SRBD1: variants seen among roughly 807,000 people sequenced by gnomAD.
The protein encoded by SRBD1 is S1 RNA binding domain 1.
In SRBD1, 88 loss-of-function variants were observed where a neutral mutation model predicts 115.3. The observed-to-expected ratio is 0.76, with a 90% confidence interval of 0.64 to 0.91. The LOEUF is 0.91. Among genes scored for constraint, SRBD1 ranks in the 40% least tolerant of loss-of-function variants. The pLI is 0.00. For synonymous variants in SRBD1, 509 were observed against 407.7 expected, an observed-to-expected ratio of 1.25 and a Z score of -2.99; for missense variants, 1,385 against 1,177.4, an observed-to-expected ratio of 1.18 and a Z score of -2.58.
intron 9 of SRBD1, 114 bp from the exon 10 acceptor site, chr2:45,562,870 C>A: frequency 2.4e-5 from 14 of 591,982 alleles, no homozygotes; most frequent in Admixed American, 3.6e-5. Context: ...AACAAGAATA[C>A]ATTTTAAAAT....
chr2:45,414,781 C>CACACATAGTGTGTATATAGTATGT (rs1667743719), intron 18 of SRBD1, among the ~76,000 whole-genome samples: 1 of 132,650 alleles, frequency 7.5e-6, no homozygotes, highest in Non-Finnish European at 1.6e-5. Context: ...TATGTACACA[C>CACACATAGTGTGTATATAGTATGT]ACACATAGTG....
intron 1 of SRBD1, among the ~76,000 whole-genome samples, chr2:45,607,858 G>C (rs997114479): frequency 1.3e-5 from 2 of 152,224 alleles, no homozygotes; most frequent in Non-Finnish European, 2.9e-5. Context: ...GCTAAAGGCA[G>C]AGAACCCTAG....
intron 9 of SRBD1, 121 bp from the exon 10 acceptor site, chr2:45,562,877 AAAT>A: frequency 1.7e-6 from 1 of 583,504 alleles, no homozygotes; most frequent in Non-Finnish European, 2.9e-6. Flanking sequence ...ATACATTTTA[AAAT>A]AATCATTTAC....
intron 16 of SRBD1, among the ~76,000 whole-genome samples, chr2:45,461,664 C>A (rs958740535): frequency 5.3e-5 from 8 of 152,124 alleles, no homozygotes; most frequent in Non-Finnish European, 1.0e-4. Flanking sequence ...AACTGCCCCC[C>A]CCAACTTTTA....
intron 19 of SRBD1, among the ~76,000 whole-genome samples, chr2:45,396,202 C>T (rs555640097): frequency 1.3e-5 from 2 of 151,854 alleles, no homozygotes; most frequent in Non-Finnish European, 2.9e-5. Flanking sequence ...GAGTTTTATG[C>T]CACACACAAT....
At chr2:45,435,778 A>AT (rs1668479015) in intron 16 of SRBD1, among the ~76,000 whole-genome samples, 1 of 152,164 alleles carries the variant, frequency 6.6e-6, no homozygotes, top group African/African-American at 2.4e-5. Flanking sequence ...CCCTAACAAA[A>AT]TTTTAAAAAA....
chr2:45,389,247 A>T lies in SRBD1; in HGVS notation c.*63T>A. ...GCTACCTAGAGTTTACAAACAACTG[A>T]CTTATCCTTGTCAATCTGTGGAAAT... On this transcript the variant is annotated 3_prime_UTR_variant, in exon 21 of 21. Coordinates refer to ENST00000263736, the MANE Select transcript of SRBD1 (RefSeq NM_018079.5). The T allele has an allele frequency of 6.4e-7, 1 of 1,560,862 alleles. No individual in the cohort carries two copies. The highest frequency in any genetic ancestry group is 1.8e-5 in the Admixed American group (1 of 54,406).
chr2:45,462,936 A>T (rs1015350877), intron 16 of SRBD1, among the ~76,000 whole-genome samples: 2 of 151,490 alleles, frequency 1.3e-5, no homozygotes, highest in Admixed American at 1.3e-4. Flanking sequence ...CTGTGGACTG[A>T]AAAACAATTT....
At chr2:45,581,042 C>A (rs1673345979) in intron 6 of SRBD1, among the ~76,000 whole-genome samples, 1 of 152,094 alleles carries the variant, frequency 6.6e-6, no homozygotes, top group Admixed American at 6.6e-5. Context: ...CTTCTCTTCT[C>A]ACATACCTTG....
intron 12 of SRBD1, among the ~76,000 whole-genome samples, chr2:45,548,041 T>C (rs907787302): frequency 3.3e-5 from 5 of 151,798 alleles, no homozygotes; most frequent in African/African-American, 9.7e-5. Flanking sequence ...TATTGCATTA[T>C]AAAGAAAAAT....
intron 15 of SRBD1, among the ~76,000 whole-genome samples, chr2:45,487,974 T>C (rs1670170692): frequency 6.6e-6 from 1 of 152,142 alleles, no homozygotes; most frequent in Admixed American, 6.5e-5. Flanking sequence ...TACTGAACTC[T>C]CTAGCATTTA....
Position 45,452,509 on chromosome 2 carries a change from TTTAG to T in SRBD1, c.2049+24480_2049+24483del, listed in dbSNP as rs568617207. 1.4e-3 allele frequency among the ~76,000 whole-genome samples: 206 copies of T among 152,132 alleles called. 1 individual carries two copies. The highest frequency in any genetic ancestry group is 1.6e-3 in the Non-Finnish European group (112 of 67,906). ...CTTTCCCAAAGAGCTATAACTCATG[TTTAG>T]TTAAATACCAATCACATTCTCCATT... On this transcript the variant is annotated intron_variant, in intron 16 of 20. Transcript: ENST00000263736.
chr2:45,582,503 T>C (rs1673396200), intron 5 of SRBD1, among the ~76,000 whole-genome samples: 1 of 152,122 alleles, frequency 6.6e-6, no homozygotes, highest in African/African-American at 2.4e-5. Flanking sequence ...TGTGGAGAGG[T>C]ACTTTGAGAC....
intron 12 of SRBD1, 35 bp downstream of exon 12, chr2:45,551,090 A>C: frequency 6.4e-7 from 1 of 1,561,732 alleles, no homozygotes; most frequent in Non-Finnish European, 8.6e-7. Flanking sequence ...AACCAACCAA[A>C]CAACTTTTAC....
chr2:45,436,450 T>C (rs1222427358), intron 16 of SRBD1, among the ~76,000 whole-genome samples: 1 of 152,190 alleles, frequency 6.6e-6, no homozygotes. Context: ...TGAGGTGTAT[T>C]AGTCCATTTT....
At position 45,579,868 on chromosome 2, in the gene SRBD1, C is replaced by G. The variant is rs2104175360; in HGVS notation, c.1072+7G>C. 1 of 1,552,510 alleles carries G rather than the reference C, an allele frequency of 6.4e-7. No homozygotes were observed. The highest frequency in any genetic ancestry group is 8.6e-7 in the Non-Finnish European group (1 of 1,156,776). On this transcript the variant is annotated splice_region_variant and intron_variant, in intron 7 of 20. Transcript: ENST00000263736. Reference sequence around the variant, plus strand: ...ACAAAGTTGATCTCTGTAAATAAAGCCAGTACCTTTAACGTCAGGCCTAAT... The same window carrying G: ...ACAAAGTTGATCTCTGTAAATAAAGGCAGTACCTTTAACGTCAGGCCTAAT...
intron 16 of SRBD1, among the ~76,000 whole-genome samples, chr2:45,458,505 T>C (rs1291750512): frequency 6.6e-6 from 1 of 152,146 alleles, no homozygotes; most frequent in South Asian, 2.1e-4. Flanking sequence ...GACTGAAACA[T>C]CATCTTGGAC....
intron 14 of SRBD1, among the ~76,000 whole-genome samples, chr2:45,526,730 G>A (rs1671454216): frequency 1.3e-5 from 2 of 151,850 alleles, no homozygotes; most frequent in Admixed American, 1.3e-4. Context: ...GTATAATTAT[G>A]TAATGCACCA....
chr2:45,522,874 A>C (rs986715971), intron 14 of SRBD1, among the ~76,000 whole-genome samples: 1 of 152,238 alleles, frequency 6.6e-6, no homozygotes, highest in South Asian at 2.1e-4. Flanking sequence ...TATGTTATCA[A>C]TAATGCTTCC....
Sources: allele counts gnomAD v4.1 joint callset (sites outside exome capture counted in the v4.1 genomes callset), GRCh38; gene constraint gnomAD v4.1.1; transcripts MANE v1.5; gene names NCBI Gene and HGNC (gene_info 2026-07-23, HGNC 2026-07-21).